MIGA1: variants seen among roughly 807,000 people sequenced by gnomAD.
The protein encoded by MIGA1 is family with sequence similarity 73, member A.
In MIGA1, 58 loss-of-function variants were observed where a neutral mutation model predicts 82.0. The ratio of observed to expected loss-of-function variants is 0.71; its 90% CI spans 0.57 to 0.88. The LOEUF (loss-of-function observed/expected upper bound fraction) is 0.88. MIGA1 is among the 40% of genes least tolerant of loss of function. MIGA1 has a pLI of 0.00. For missense variants in MIGA1, 751 were observed against 749.1 expected (o/e 1.00, Z -0.03); for synonymous variants, 249 against 253.6 (o/e 0.98, Z 0.17).
At chr1:77,847,909 A>G in intron 8 of MIGA1, 1 of 1,488,536 alleles carries the variant, frequency 6.7e-7, no homozygotes, top group Non-Finnish European at 9.3e-7. Flanking sequence ...AAGGATGATG[A>G]AATAAAGAAA....
At chr1:77,814,357 G>T (rs1265607766) in intron 6 of MIGA1, among the ~76,000 whole-genome samples, 1 of 151,958 alleles carries the variant, frequency 6.6e-6, no homozygotes, top group African/African-American at 2.4e-5. Context: ...GACTTTCCCA[G>T]GATATGCAAA....
At chr1:77,843,063 C>T (rs531850954) in intron 7 of MIGA1, among the ~76,000 whole-genome samples, 3 of 152,142 alleles carry the variant, frequency 2.0e-5, no homozygotes, top group Admixed American at 2.0e-4. Context: ...ACTAAAAAGC[C>T]CTTTTAATAA....
At chr1:77,808,344 T>G (rs1239331679) in intron 5 of MIGA1, among the ~76,000 whole-genome samples, 3 of 152,122 alleles carry the variant, frequency 2.0e-5, no homozygotes, top group Non-Finnish European at 4.4e-5. Context: ...TAAGGTAACA[T>G]TTACATGTTC....
At chr1:77,844,030 G>A (rs1684722619) in intron 8 of MIGA1, among the ~76,000 whole-genome samples, 1 of 149,386 alleles carries the variant, frequency 6.7e-6, no homozygotes, top group African/African-American at 2.5e-5. Context: ...AAGCCCAAGA[G>A]GTCAAGACTG....
intron 7 of MIGA1, among the ~76,000 whole-genome samples, 159 bp downstream of exon 7, chr1:77,815,390 C>G (rs1334106976): frequency 6.6e-5 from 10 of 151,420 alleles, no homozygotes; most frequent in Non-Finnish European, 1.0e-4. Context: ...TTTTTTCTTT[C>G]AGTTTTAATT....
chr1:77,844,390 A>T (rs182670384), intron 8 of MIGA1, among the ~76,000 whole-genome samples: 1 of 152,022 alleles, frequency 6.6e-6, no homozygotes, highest in East Asian at 1.9e-4. Flanking sequence ...TAATTTTGTA[A>T]AAAGGAAACA....
chr1:77,798,669 C>T (rs2101739645), intron 2 of MIGA1, among the ~76,000 whole-genome samples: 1 of 152,312 alleles, frequency 6.6e-6, no homozygotes, highest in East Asian at 1.9e-4. Flanking sequence ...CATATCACAG[C>T]ATAGCTTCAG....
At chr1:77,864,875 G>A (rs892128226) in intron 13 of MIGA1, among the ~76,000 whole-genome samples, 10 of 152,220 alleles carry the variant, frequency 6.6e-5, no homozygotes, top group East Asian at 1.9e-4. Context: ...TGGGCTTTAA[G>A]TGTGCACCTG....
chr1:77,809,281 T>G (rs1305447891), intron 5 of MIGA1, among the ~76,000 whole-genome samples: 2 of 152,258 alleles, frequency 1.3e-5, no homozygotes, highest in East Asian at 3.9e-4. Flanking sequence ...TCAATTCTCT[T>G]TATAAAATTG....
intron 8 of MIGA1, chr1:77,848,031 G>T: frequency 7.8e-7 from 1 of 1,276,116 alleles, no homozygotes; most frequent in Non-Finnish European, 1.1e-6. Context: ...AGGGCACAGT[G>T]CCAGACACCA....
intron 8 of MIGA1, among the ~76,000 whole-genome samples, chr1:77,845,470 T>TCAC (rs1684801457): frequency 6.6e-6 from 1 of 152,164 alleles, no homozygotes; most frequent in Non-Finnish European, 1.5e-5. Context: ...TTCATTGTAC[T>TCAC]CACTTTAAAT....
Position 77,783,238 on chromosome 1 carries a change from A to T in MIGA1, c.82A>T (p.Ile28Phe). ...TTTTTTTATGTTTCATTTAATGAAGATTAGAAGAGGAGCCATGTCAGAAGA... is the reference window on the plus strand; with the variant it reads ...TTTTTTTATGTTTCATTTAATGAAGTTTAGAAGAGGAGCCATGTCAGAAGA... The change falls in exon 2 of 16, where the codon ATT (isoleucine) becomes TTT (phenylalanine). Residue 28 changes from isoleucine to phenylalanine, a missense_variant and splice_region_variant. Coordinates refer to ENST00000370791, the MANE Select transcript of MIGA1 (RefSeq NM_198549.4). 6.3e-7 allele frequency: 1 copy of T among 1,575,316 alleles called. No homozygotes were observed. Among genetic ancestry groups the T allele is most frequent in the Non-Finnish European group, 8.7e-7 (1 of 1,152,754 alleles).
intron 8 of MIGA1, among the ~76,000 whole-genome samples, chr1:77,844,752 CCTCCTG>C (rs1684773389): frequency 6.6e-6 from 1 of 152,118 alleles, no homozygotes; most frequent in South Asian, 2.1e-4. Context: ...CCAAGGCGGG[CCTCCTG>C]AGGCCCTGAG....
intron 1 of MIGA1, among the ~76,000 whole-genome samples, chr1:77,781,318 A>G (rs1375517663): frequency 6.6e-6 from 1 of 152,238 alleles, no homozygotes; most frequent in African/African-American, 2.4e-5. Context: ...AGGGAAAATT[A>G]CTTTGGGTGA....
At chr1:77,823,208 T>G (rs986770568) in intron 7 of MIGA1, among the ~76,000 whole-genome samples, 36 of 152,310 alleles carry the variant, frequency 2.4e-4, no homozygotes, top group African/African-American at 8.4e-4. Context: ...ATGATGTCTA[T>G]TCTCCTTTTT....
intron 7 of MIGA1, among the ~76,000 whole-genome samples, chr1:77,822,090 A>G (rs1312960226): frequency 1.3e-5 from 2 of 152,146 alleles, no homozygotes; most frequent in African/African-American, 4.8e-5. Flanking sequence ...TAGATACATT[A>G]ATTAGCTTGA....
At chr1:77,802,588 C>G (rs1469208681) in intron 3 of MIGA1, among the ~76,000 whole-genome samples, 1 of 152,094 alleles carries the variant, frequency 6.6e-6, no homozygotes, top group Non-Finnish European at 1.5e-5. Flanking sequence ...GCCTGGACAA[C>G]ATAGTGGGAC....
Position 77,876,434 on chromosome 1 carries a change from A to G in MIGA1, c.*1370A>G, listed in dbSNP as rs1288742386. On this transcript the variant is annotated 3_prime_UTR_variant, in exon 16 of 16. Transcript: ENST00000370791. Reference sequence around the variant, plus strand: ...TGTTGGTCCTGTAAGTTACAAAGAGACTGAAGAACTTTCTTTTTATACATT... The same window carrying G: ...TGTTGGTCCTGTAAGTTACAAAGAGGCTGAAGAACTTTCTTTTTATACATT... The G allele has an allele frequency of 6.6e-6, 1 of 152,242 alleles. No individual in the cohort carries two copies. Among genetic ancestry groups the G allele is most frequent in the Non-Finnish European group, 1.5e-5 (1 of 68,036 alleles). 9.4% of individuals were successfully genotyped at this position (152,242 alleles called of 1,614,324 possible). A position where few individuals can be genotyped will look rare whatever the true frequency, so the allele number is the denominator to read the frequency against.
chr1:77,842,793 C>T (rs1355810827), intron 7 of MIGA1, among the ~76,000 whole-genome samples: 1 of 152,212 alleles, frequency 6.6e-6, no homozygotes, highest in Non-Finnish European at 1.5e-5. Context: ...CTGCCTGCCT[C>T]AGCCTCCCAG....
Sources: allele counts gnomAD v4.1 joint callset (sites outside exome capture counted in the v4.1 genomes callset), GRCh38; gene constraint gnomAD v4.1.1; transcripts MANE v1.5; gene names NCBI Gene and HGNC (gene_info 2026-07-23, HGNC 2026-07-21).